Variants in CCDC7 observed in about 807,000 individuals in gnomAD.
The protein encoded by CCDC7 is coiled-coil domain-containing protein 7.
In CCDC7, 183 loss-of-function variants were observed where a neutral mutation model predicts 196.9. The observed-to-expected ratio is 0.93, with a 90% CI of 0.82 to 1.05. CCDC7 has a LOEUF of 1.05. Among genes scored for constraint, CCDC7 ranks in the 50% least tolerant of loss-of-function variants. CCDC7 has a pLI of 0.00. For synonymous variants in CCDC7, 525 were observed against 484.6 expected (o/e 1.08, Z -1.10); for missense variants, 1,540 against 1,482.2 (o/e 1.04, Z -0.64).
intron 28 of CCDC7, among the ~76,000 whole-genome samples, chr10:32,764,137 G>A (rs779052430): frequency 1.1e-4 from 16 of 151,744 alleles, no homozygotes; most frequent in African/African-American, 1.4e-4. Flanking sequence ...TGCTTTGTCC[G>A]AAGAAACTAT....
At chr10:32,543,728 C>A (rs1017078289) in intron 12 of CCDC7, among the ~76,000 whole-genome samples, 7 of 151,998 alleles carry the variant, frequency 4.6e-5, no homozygotes, top group Non-Finnish European at 8.8e-5. Flanking sequence ...ACAGTGTTGG[C>A]TGTTCTTTTC....
chr10:32,855,689 T>C (rs1302246278), intron 41 of CCDC7, among the ~76,000 whole-genome samples: 1 of 152,202 alleles, frequency 6.6e-6, no homozygotes, highest in African/African-American at 2.4e-5. Flanking sequence ...CACCCACTGC[T>C]CACCTCCTGC....
At chr10:32,506,265 G>A (rs58568699) in intron 9 of CCDC7, among the ~76,000 whole-genome samples, 6,251 of 146,444 alleles carry the variant, frequency 0.043, 412 homozygotes, top group African/African-American at 0.15. Flanking sequence ...CGGGGCGGCC[G>A]GGCAGAGGCG....
chr10:32,522,211 C>T (rs1394120268), intron 11 of CCDC7, among the ~76,000 whole-genome samples: 2 of 152,106 alleles, frequency 1.3e-5, no homozygotes, highest in South Asian at 4.1e-4. Context: ...TGGAAGTATT[C>T]CCTCCTCTAG....
chr10:32,716,696 G>A (rs113802097), intron 25 of CCDC7, among the ~76,000 whole-genome samples: 8,081 of 152,244 alleles, frequency 0.053, 716 homozygotes, highest in African/African-American at 0.18. Context: ...TAATGGGATG[G>A]AGGAATATTT....
intron 11 of CCDC7, among the ~76,000 whole-genome samples, chr10:32,520,531 C>T (rs1046422212): frequency 1.3e-5 from 2 of 151,976 alleles, no homozygotes; most frequent in Admixed American, 1.3e-4. Flanking sequence ...TGAGAAATGT[C>T]TATTTGAATC....
intron 28 of CCDC7, among the ~76,000 whole-genome samples, chr10:32,776,908 C>A (rs1315436525): frequency 6.6e-6 from 1 of 151,212 alleles, no homozygotes; most frequent in Non-Finnish European, 1.5e-5. Context: ...TTTTTTTTTA[C>A]TTTTTCAGCT....
intron 21 of CCDC7, among the ~76,000 whole-genome samples, chr10:32,670,407 A>G (rs1028330144): frequency 6.6e-6 from 1 of 151,564 alleles, no homozygotes; most frequent in Admixed American, 6.6e-5. Flanking sequence ...TATTATTATT[A>G]TACTTTAAGT....
At chr10:32,589,755 C>G (rs55914447) in intron 18 of CCDC7, among the ~76,000 whole-genome samples, 1 of 151,944 alleles carries the variant, frequency 6.6e-6, no homozygotes, top group Non-Finnish European at 1.5e-5. Flanking sequence ...TATATATTTA[C>G]AATTGTTATA....
At chr10:32,711,319 T>C (rs888202920) in intron 24 of CCDC7, among the ~76,000 whole-genome samples, 2 of 152,078 alleles carry the variant, frequency 1.3e-5, no homozygotes, top group African/African-American at 2.4e-5. Flanking sequence ...CTTGAACATA[T>C]GCATTTTCAT....
intron 29 of CCDC7, among the ~76,000 whole-genome samples, chr10:32,779,819 GAA>G (rs909006491): frequency 2.0e-5 from 3 of 152,144 alleles, no homozygotes; most frequent in African/African-American, 7.2e-5. Context: ...ACCTAATTAG[GAA>G]AAGTCTCTCT....
chr10:32,814,847 GTTGGTGTGATACC>G (rs1277635596), intron 31 of CCDC7, among the ~76,000 whole-genome samples: 8 of 152,184 alleles, frequency 5.3e-5, no homozygotes, highest in Non-Finnish European at 1.0e-4. Context: ...CTCTATGACC[GTTGGTGTGATACC>G]AAAAGAAGAC....
At chr10:32,840,455 G>GCCCTT (rs1443481280) in intron 33 of CCDC7, among the ~76,000 whole-genome samples, 1 of 151,980 alleles carries the variant, frequency 6.6e-6, no homozygotes, top group Non-Finnish European at 1.5e-5. Context: ...AAACCAGGAA[G>GCCCTT]GTATAGAATC....
At chr10:32,614,955 G>C (rs1200884229) in intron 18 of CCDC7, among the ~76,000 whole-genome samples, 1 of 152,050 alleles carries the variant, frequency 6.6e-6, no homozygotes, top group East Asian at 1.9e-4. Context: ...CATCCATGTT[G>C]CTGCAAAAAA....
intron 30 of CCDC7, among the ~76,000 whole-genome samples, chr10:32,809,743 G>T: frequency 6.6e-6 from 1 of 152,204 alleles, no homozygotes; most frequent in South Asian, 2.1e-4. Flanking sequence ...TGCTGGAGAG[G>T]ATGTGGAGAA....
At chr10:32,740,738 AGTTT>A (rs2085687376) in intron 28 of CCDC7, among the ~76,000 whole-genome samples, 1 of 152,184 alleles carries the variant, frequency 6.6e-6, no homozygotes, top group Non-Finnish European at 1.5e-5. Context: ...CCAAGTTCTT[AGTTT>A]GAGATTGAGT....
chr10:32,851,999 C>G, intron 40 of CCDC7, 67 bp downstream of exon 41: 1 of 1,468,138 alleles, frequency 6.8e-7, no homozygotes, highest in Admixed American at 2.4e-5. Flanking sequence ...ATGTAAATAA[C>G]CAAGTTGTAA....
intron 28 of CCDC7, among the ~76,000 whole-genome samples, chr10:32,732,836 C>T (rs2084221367): frequency 6.6e-6 from 1 of 152,054 alleles, no homozygotes; most frequent in Non-Finnish European, 1.5e-5. Context: ...AACATAGCAT[C>T]TTTTTAATAT....
intron 18 of CCDC7, among the ~76,000 whole-genome samples, chr10:32,628,779 A>T (rs1418560439): frequency 6.6e-6 from 1 of 151,974 alleles, no homozygotes; most frequent in African/African-American, 2.4e-5. Context: ...TTCCAGGACC[A>T]TGTTTCATTT....
Sources: gnomAD v4.1 joint callset for allele counts (sites outside exome capture counted in the v4.1 genomes callset) on GRCh38, gnomAD v4.1.1 for gene constraint, MANE v1.5 for transcripts, NCBI Gene and HGNC (gene_info 2026-07-23, HGNC 2026-07-21) for gene names.